The following KANK1 variants were observed in gnomAD, a reference collection of about 807,000 sequenced individuals.
KANK1 encodes the protein KN motif and ankyrin repeat domain-containing protein 1.
A neutral mutation model predicts 106.2 loss-of-function variants in KANK1; 109 were observed. The ratio of observed to expected loss-of-function variants is 1.03; its 90% CI spans 0.88 to 1.20. The LOEUF (loss-of-function observed/expected upper bound fraction) is 1.20. Among genes scored for constraint, KANK1 ranks in the 50% most tolerant of loss-of-function variants. KANK1 has a pLI of 0.00. For synonymous variants in KANK1, 873 were observed against 652.2 expected, an observed-to-expected ratio of 1.34 and a Z score of -5.16; for missense variants, 2,399 against 1,710.7, an observed-to-expected ratio of 1.40 and a Z score of -7.10.
chr9:584,910 C>A (rs185512753), intron 1 of KANK1, among the ~76,000 whole-genome samples: 1 of 152,180 alleles, frequency 6.6e-6, no homozygotes, highest in Non-Finnish European at 1.5e-5. Context: ...TGCTTGTTTC[C>A]GTTTGCCTTC....
chr9:497,600 G>C (rs1361690218), intron 3 of KANK1, among the ~76,000 whole-genome samples: 1 of 152,120 alleles, frequency 6.6e-6, no homozygotes. Context: ...AAATTAAGGA[G>C]AGTATAAATT....
chr9:546,122 C>T (rs1232404463), intron 1 of KANK1, among the ~76,000 whole-genome samples: 3 of 152,052 alleles, frequency 2.0e-5, no homozygotes, highest in Non-Finnish European at 2.9e-5. Flanking sequence ...GTGAGTGGAC[C>T]GTGCATGGGA....
chr9:663,958 G>A (rs1410090459), intron 1 of KANK1, among the ~76,000 whole-genome samples: 2 of 152,086 alleles, frequency 1.3e-5, no homozygotes, highest in Non-Finnish European at 2.9e-5. Flanking sequence ...CTTCAAATAA[G>A]GTCGTATGGT....
At chr9:732,756 A>G in intron 6 of KANK1, 139 bp downstream of exon 6, 1 of 900,106 alleles carries the variant, frequency 1.1e-6, no homozygotes, top group Non-Finnish European at 1.7e-6. Context: ...TTGAGATACT[A>G]ATATATACAA....
At chr9:632,450 T>C (rs1835969603) in intron 1 of KANK1, among the ~76,000 whole-genome samples, 1 of 152,126 alleles carries the variant, frequency 6.6e-6, no homozygotes, top group African/African-American at 2.4e-5. Flanking sequence ...AGAAGATAAT[T>C]ATTGAGAGCA....
chr9:535,624 G>A (rs1025858093), intron 1 of KANK1, among the ~76,000 whole-genome samples: 1 of 152,210 alleles, frequency 6.6e-6, no homozygotes, highest in Non-Finnish European at 1.5e-5. Context: ...CAGTACACCT[G>A]CTGAGTGACA....
chr9:546,361 T>A (rs2060928123), intron 1 of KANK1, among the ~76,000 whole-genome samples: 1 of 151,890 alleles, frequency 6.6e-6, no homozygotes, highest in Non-Finnish European at 1.5e-5. Flanking sequence ...TGCTAAACAC[T>A]CTGCAGTGTC....
At chr9:615,946 C>T (rs906231303) in intron 1 of KANK1, among the ~76,000 whole-genome samples, 2 of 152,190 alleles carry the variant, frequency 1.3e-5, no homozygotes, top group African/African-American at 4.8e-5. Flanking sequence ...ATATGTTCAA[C>T]AGCTGTGTTG....
At chr9:729,377 G>A (rs1831596666) in intron 3 of KANK1, among the ~76,000 whole-genome samples, 1 of 152,198 alleles carries the variant, frequency 6.6e-6, no homozygotes, top group African/African-American at 2.4e-5. Flanking sequence ...AGGAGATCAG[G>A]GAAGGGTCTG....
intron 1 of KANK1, among the ~76,000 whole-genome samples, chr9:599,878 T>G (rs927580286): frequency 6.6e-6 from 1 of 151,824 alleles, no homozygotes; most frequent in African/African-American, 2.4e-5. Flanking sequence ...TGTACTTTGT[T>G]TAAGGCTTTA....
At chr9:580,190 C>CGTCTGGAGTTGTTCGTTCCTCCG (rs1563803497) in intron 1 of KANK1, among the ~76,000 whole-genome samples, 5 of 151,728 alleles carry the variant, frequency 3.3e-5, no homozygotes, top group Admixed American at 2.0e-4. Flanking sequence ...TAAGGCGGCG[C>CGTCTGGAGTTGTTCGTTCCTCCG]GTCTGGAGTT....
chr9:605,643 A>G (rs74691641), intron 1 of KANK1, among the ~76,000 whole-genome samples: 5,387 of 151,814 alleles, frequency 0.035, 434 homozygotes, highest in African/African-American at 0.12. Context: ...AGAGACCCAA[A>G]TGATGAATGG....
intron 2 of KANK1, among the ~76,000 whole-genome samples, chr9:702,814 C>T (rs1285366047): frequency 5.9e-5 from 9 of 152,258 alleles, no homozygotes; most frequent in African/African-American, 2.2e-4. Context: ...CCTTGTCTAA[C>T]CTTGGCATTC....
intron 4 of KANK1, 21 bp downstream of exon 4, chr9:730,269 T>G (rs745506871): frequency 2.5e-6 from 4 of 1,611,628 alleles, no homozygotes; most frequent in Non-Finnish European, 3.4e-6. Flanking sequence ...TCACTCACAG[T>G]CATTGGCATC....
At chr9:659,174 T>C (rs1842780625) in intron 1 of KANK1, among the ~76,000 whole-genome samples, 1 of 152,226 alleles carries the variant, frequency 6.6e-6, no homozygotes, top group Non-Finnish European at 1.5e-5. Context: ...TCTCAGTCAA[T>C]ATTTTTGAAT....
Position 677,140 on chromosome 9 carries a change from C to T in KANK1, c.37+131C>T, listed in dbSNP as rs374669728. ...TAGGATTTCAAAGCAATTTTCTGTC[C>T]ATTGAAGTTTGGGTTTGTTTTGTTT... On this transcript the variant is annotated intron_variant, in intron 2 of 11. Transcript: ENST00000382297. 3 of 804,886 alleles carry T rather than the reference C, an allele frequency of 3.7e-6. No homozygotes were observed. The Admixed American group carries it at 8.6e-5, about 23-fold the overall frequency. The allele number at this position is 804,886 out of a possible 1,614,324, so 49.9% of individuals were successfully genotyped here.
At position 712,036 on chromosome 9, in the gene KANK1, G is replaced by A. The variant is rs1826264052; in HGVS notation, c.1270G>A (p.Asp424Asn). Residue 424 changes from aspartate (D) to asparagine (N), a missense_variant, in exon 3 of 12, where the codon GAT (aspartate) becomes AAT (asparagine). Asp to Asn is a conservative substitution (Grantham distance 23). Transcript: ENST00000382297. ...VYHRGSRSCK[D>N]AAVGTLVEMR... is the part of the protein sequence containing the mutation. ...CCACAGAGGCTCCAGGTCCTGTAAGGATGCAGCTGTAGGGACACTTGTTGA... is the reference window on the plus strand; with the variant it reads ...CCACAGAGGCTCCAGGTCCTGTAAGAATGCAGCTGTAGGGACACTTGTTGA... The A allele has an allele frequency of 1.2e-6, 2 of 1,614,188 alleles. No individual in the cohort carries two copies. The highest frequency in any genetic ancestry group is 2.2e-5 in the East Asian group (1 of 44,884).
Position 484,721 on chromosome 9 carries a change from G to C in KANK1, c.-362+11448G>C, listed in dbSNP as rs548459543. On this transcript the variant is annotated intron_variant, in intron 3 of 15. Coordinates refer to the KANK1 transcript ENST00000382303. ...AGGATCACAGGTCTGGTGGCTTGCT[G>C]AATGGGGTATGGAGAGGGAACACGG... 2.3e-3 allele frequency among the ~76,000 whole-genome samples: 356 copies of C among 152,330 alleles called. 7 individuals are homozygous for C. Among genetic ancestry groups the C allele is most frequent in the Non-Finnish European group, 6.0e-4 (41 of 68,024 alleles).
In KANK1 at chr9:643,577, GTC is replaced by G. The variant is rs1838978267; in HGVS notation, c.-83-33307_-83-33306del. Among the ~76,000 whole-genome samples, 2 of 141,346 alleles carry G rather than the reference GTC, an allele frequency of 1.4e-5. 1 individual carries two copies. Among genetic ancestry groups the G allele is most frequent in the African/African-American group, 5.7e-5 (2 of 35,256 alleles). The allele number at this position is 141,346 out of a possible 152,430, so 92.7% of individuals were successfully genotyped here. ...TTTTTTTTTTTTTGGTAGTGATAGG[GTC>G]TCTCTGTGTTGCCCAAGCTGGTCTC... On this transcript the variant is annotated intron_variant, in intron 1 of 11. Transcript: ENST00000382297.
Sources: allele counts gnomAD v4.1 joint callset (sites outside exome capture counted in the v4.1 genomes callset), GRCh38; gene constraint gnomAD v4.1.1; transcripts MANE v1.5; gene names NCBI Gene and HGNC (gene_info 2026-07-23, HGNC 2026-07-21).